GMEB2: variants seen among roughly 807,000 people sequenced by gnomAD.
GMEB2 encodes glucocorticoid modulatory element-binding protein 2.
A neutral mutation model predicts 45.7 loss-of-function variants in GMEB2; 7 were observed. The ratio of observed to expected loss-of-function variants is 0.15; its 90% confidence interval spans 0.09 to 0.29. GMEB2 has a LOEUF of 0.29. Among genes scored for constraint, GMEB2 ranks in the 10% least tolerant of loss-of-function variants. The pLI is 1.00. For missense variants in GMEB2, 582 were observed against 739.2 expected, an observed-to-expected ratio of 0.79 and a Z score of 2.47; for synonymous variants, 322 against 323.6, an observed-to-expected ratio of 1.00 and a Z score of 0.05.
Position 63,611,240 on chromosome 20 carries a change from G to A in GMEB2, c.132-6400C>T, listed in dbSNP as rs573649039. Among the ~76,000 whole-genome samples the A allele has an allele frequency of 5.9e-5, 9 of 152,384 alleles. No homozygotes were observed. In the South Asian group the frequency reaches 1.4e-3, roughly 25 times the overall value. ...AGGGCACAAATGCCATCCCAGACCC[G>A]GCTCTTGTGTGTGGAAGGGGCCACT... On this transcript the variant is annotated intron_variant, in intron 2 of 9. Transcript: ENST00000370077.
intron 5 of GMEB2, 146 bp downstream of exon 5, chr20:63,597,611 G>A (rs779138869): frequency 7.5e-5 from 46 of 615,118 alleles, no homozygotes; most frequent in Non-Finnish European, 1.3e-4. Flanking sequence ...TTTTGGGTGT[G>A]AGCAGGTGCA....
intron 2 of GMEB2, among the ~76,000 whole-genome samples, chr20:63,613,315 C>T (rs961477503): frequency 6.6e-6 from 1 of 152,172 alleles, no homozygotes; most frequent in Non-Finnish European, 1.5e-5. Context: ...CCTACAGGAG[C>T]CACCTTCCAC....
chr20:63,604,720 T>A, intron 3 of GMEB2, 23 bp downstream of exon 3: 1 of 1,383,262 alleles, frequency 7.2e-7, no homozygotes, highest in Non-Finnish European at 1.0e-6. Context: ...AAGGCAGACT[T>A]CCCACCTAGG....
intron 2 of GMEB2, among the ~76,000 whole-genome samples, chr20:63,610,215 G>T (rs1262027081): frequency 2.0e-5 from 3 of 152,204 alleles, no homozygotes; most frequent in Non-Finnish European, 4.4e-5. Context: ...ACTTCCAGAA[G>T]TTTGCTTAAA....
At chr20:63,612,245 G>A (rs1244773068) in intron 2 of GMEB2, among the ~76,000 whole-genome samples, 2 of 152,240 alleles carry the variant, frequency 1.3e-5, no homozygotes, top group African/African-American at 4.8e-5. Context: ...TCACACCTTA[G>A]AAAGCTTTCT....
chr20:63,591,154 CAT>C lies in GMEB2; in HGVS notation c.953-427_953-426del, dbSNP rs937985517. ...AGGAGGAAAAGCAGCACATGTGGCACATGTGTTTAAACATAAACATGCACACA... is the reference window on the plus strand; with the variant it reads ...AGGAGGAAAAGCAGCACATGTGGCACGTGTTTAAACATAAACATGCACACA... On this transcript the variant is annotated intron_variant, in intron 9 of 9. Coordinates refer to ENST00000370077, the MANE Select transcript of GMEB2 (RefSeq NM_012384.5). 2.6e-4 allele frequency among the ~76,000 whole-genome samples: 39 copies of C among 152,294 alleles called. 1 individual carries two copies. Among genetic ancestry groups the C allele is most frequent in the South Asian group, 8.3e-4 (4 of 4,832 alleles).
rs537208843 is a variant in GMEB2 at position 63,622,988 on chromosome 20, G to A, written c.-57-3534C>T. On this transcript the variant is annotated intron_variant, in intron 1 of 9. Coordinates refer to ENST00000370077, the MANE Select transcript of GMEB2 (RefSeq NM_012384.5). ...GGTAGGTTTAGGGTAAGAAGGGGCA[G>A]CGCCCAGAGCCCAGAGAACACCAGT... 5.3e-5 allele frequency among the ~76,000 whole-genome samples: 8 copies of A among 152,312 alleles called. No homozygotes were observed. In the South Asian group the frequency reaches 1.7e-3, roughly 32 times the overall value.
intron 2 of GMEB2, among the ~76,000 whole-genome samples, chr20:63,618,060 C>T (rs937744283): frequency 2.0e-5 from 3 of 152,168 alleles, no homozygotes; most frequent in African/African-American, 7.2e-5. Flanking sequence ...GCGGCCACGG[C>T]GTCCCAAGGG....
chr20:63,614,939 G>C (rs11696202), intron 2 of GMEB2, among the ~76,000 whole-genome samples: 26,032 of 151,964 alleles, frequency 0.17, 3,064 homozygotes, highest in East Asian at 0.49. Context: ...CCTGGCATTC[G>C]GGGCCGCTAC....
In GMEB2 at chr20:63,596,057, G is replaced by C. The variant is rs558242172; in HGVS notation, c.462-290C>G. On this transcript the variant is annotated intron_variant, in intron 5 of 9. Transcript: ENST00000370077. Reference sequence around the variant, plus strand: ...GGTGCCCGTCAGAGTCTGTGGGGCTGGGCCTTTCTGGGATGTCCCACTACC... The same window carrying C: ...GGTGCCCGTCAGAGTCTGTGGGGCTCGGCCTTTCTGGGATGTCCCACTACC... 1.5e-3 allele frequency among the ~76,000 whole-genome samples: 232 copies of C among 152,328 alleles called. 4 individuals carry two copies. Among genetic ancestry groups the C allele is most frequent in the Admixed American group, 0.015 (230 of 15,306 alleles).
chr20:63,602,815 C>T (rs2083251143), intron 4 of GMEB2, 150 bp downstream of exon 4: 5 of 678,944 alleles, frequency 7.4e-6, no homozygotes, highest in Non-Finnish European at 5.0e-6. Flanking sequence ...ACAGCGAATT[C>T]CTCTTCCTGA....
chr20:63,609,980 C>T (rs1251838312), intron 2 of GMEB2, among the ~76,000 whole-genome samples: 3 of 151,880 alleles, frequency 2.0e-5, no homozygotes, highest in Non-Finnish European at 4.4e-5. Context: ...TTTCTAGAAA[C>T]ATGCCCCTCT....
chr20:63,624,263 A>G (rs2089656110), intron 1 of GMEB2, among the ~76,000 whole-genome samples: 1 of 112,482 alleles, frequency 8.9e-6, no homozygotes, highest in African/African-American at 3.4e-5. Context: ...CTAAAAATAC[A>G]AAAAAAAAAA....
chr20:63,591,364 G>C (rs556031677), intron 9 of GMEB2, among the ~76,000 whole-genome samples: 2 of 151,438 alleles, frequency 1.3e-5, no homozygotes, highest in Non-Finnish European at 1.5e-5. Context: ...CACACACACA[G>C]TGAACACACA....
intron 2 of GMEB2, among the ~76,000 whole-genome samples, chr20:63,608,524 AC>A (rs1475204232): frequency 1.0e-3 from 6 of 5,932 alleles, no homozygotes; most frequent in African/African-American, 2.0e-3. Context: ...TGTCCCTCTG[AC>A]CCCACATCCA....
At position 63,593,023 on chromosome 20, in the gene GMEB2, C is replaced by T. The variant is rs779896394; in HGVS notation, c.679G>A (p.Ala227Thr). ...AGGAACCTCGTACCTCCAATGGCCG[C>T]GGTCCAGTCGCCAGGGTCTTCACAG... ...ETCEDPGDWT[A>T]AIGDDTFTFW... The change falls in exon 7 of 10, where the codon GCG becomes ACG. Residue 227 changes from alanine (A) to threonine (T), a missense_variant. Physicochemically the swap from Ala to Thr is moderately conservative, Grantham distance 58. Coordinates refer to ENST00000370077, the MANE Select transcript of GMEB2 (RefSeq NM_012384.5). The surrounding 1 kb of genome is among the most constrained non-coding windows in gnomAD (Gnocchi z 4.7). 4.4e-6 allele frequency: 7 copies of T among 1,608,956 alleles called. No homozygotes were observed. The highest frequency in any genetic ancestry group is 1.7e-4 in the Middle Eastern group (1 of 6,046).
rs542326298 is a variant in GMEB2, at chr20:63,623,527, G to A, written c.-58+3429C>T. Reference sequence around the variant, plus strand: ...TAAAAAGCCACTTTAGGCCGGGCGCGGTGGCTCACACTTGTAATCCCAGCA... The same window carrying A: ...TAAAAAGCCACTTTAGGCCGGGCGCAGTGGCTCACACTTGTAATCCCAGCA... On this transcript the variant is annotated intron_variant, in intron 1 of 9. Transcript: ENST00000370077. Among the ~76,000 whole-genome samples, 32 of 152,236 alleles carry A rather than the reference G, an allele frequency of 2.1e-4. No homozygotes were observed. In the South Asian group the frequency reaches 6.2e-3, roughly 30 times the overall value.
chr20:63,610,469 C>T (rs907458648), intron 2 of GMEB2, among the ~76,000 whole-genome samples: 2 of 152,064 alleles, frequency 1.3e-5, no homozygotes, highest in Admixed American at 6.6e-5. Flanking sequence ...TACAGTGAGC[C>T]GAGATCGCGC....
rs2083173599 is a variant in GMEB2, at chr20:63,593,981, C to T, written c.620-899G>A. On this transcript the variant is annotated intron_variant, in intron 6 of 9. Coordinates refer to ENST00000370077, the MANE Select transcript of GMEB2 (RefSeq NM_012384.5). The surrounding 1 kb of genome is among the most constrained non-coding windows in gnomAD (Gnocchi z 4.7). ...GTTGCAGTGAGCCGAGATCAGGCCC[C>T]TGCACTCCAGCCTGGGCGACAGAGC... Among the ~76,000 whole-genome samples the T allele has an allele frequency of 6.6e-6, 1 of 152,272 alleles. No individual in the cohort carries two copies. The highest frequency in any genetic ancestry group is 1.5e-5 in the Non-Finnish European group (1 of 68,054).
Sources: allele counts gnomAD v4.1 joint callset (sites outside exome capture counted in the v4.1 genomes callset), GRCh38; gene constraint gnomAD v4.1.1; non-coding constraint Gnocchi (gnomAD v3.1); transcripts MANE v1.5; gene names NCBI Gene and HGNC (gene_info 2026-07-23, HGNC 2026-07-21).